FBN2: variants seen among roughly 807,000 people sequenced by gnomAD.
The protein encoded by FBN2 is fibrillin 2, also known as fibrillin-2.
A neutral mutation model predicts 355.6 loss-of-function variants in FBN2; 105 were observed. The ratio of observed to expected loss-of-function variants is 0.30; its 90% confidence interval spans 0.25 to 0.35. FBN2 has a LOEUF of 0.35. Among genes scored for constraint, FBN2 ranks in the 10% least tolerant of loss-of-function variants. FBN2 has a pLI of 1.00. For synonymous variants in FBN2, 1,350 were observed against 1,301.2 expected, an observed-to-expected ratio of 1.04 and a Z score of -0.81; for missense variants, 3,280 against 3,758.7, an observed-to-expected ratio of 0.87 and a Z score of 3.33.
At chr5:128,386,717 G>C (rs1365936895) in intron 11 of FBN2, among the ~76,000 whole-genome samples, 1 of 151,922 alleles carries the variant, frequency 6.6e-6, no homozygotes, top group African/African-American at 2.4e-5. Context: ...AGAAATCAGA[G>C]ATAAAATCTC....
intron 34 of FBN2, among the ~76,000 whole-genome samples, chr5:128,324,954 T>G (rs1750504117): frequency 6.6e-6 from 1 of 152,158 alleles, no homozygotes; most frequent in Admixed American, 6.5e-5. Context: ...TCTAATTTGG[T>G]TGCACTGTGG....
intron 7 of FBN2, among the ~76,000 whole-genome samples, chr5:128,412,421 A>G (rs1451146577): frequency 1.3e-5 from 2 of 152,240 alleles, no homozygotes; most frequent in Admixed American, 6.5e-5. Context: ...AGCCCCCAGC[A>G]AATCATCCCT....
At chr5:128,334,372 C>A (rs1007756423) in intron 31 of FBN2, among the ~76,000 whole-genome samples, 1 of 152,156 alleles carries the variant, frequency 6.6e-6, no homozygotes, top group Non-Finnish European at 1.5e-5. Context: ...TTTTGGTGCT[C>A]TTTGTACATG....
At chr5:128,405,658 G>C (rs1010805340) in intron 8 of FBN2, among the ~76,000 whole-genome samples, 1 of 152,156 alleles carries the variant, frequency 6.6e-6, no homozygotes, top group Non-Finnish European at 1.5e-5. Flanking sequence ...ATAAAAAGAA[G>C]TAATTTAGAA....
rs374591870 is a variant in FBN2 at position 128,279,941 on chromosome 5, AACTT to A, written c.7138+247_7138+250del. Reference sequence around the variant, plus strand: ...TTTACTAAAGCCAAATTTTCCAAAGAACTTAATTAATCTTAATTTTGGAAAGACT... The same window carrying A: ...TTTACTAAAGCCAAATTTTCCAAAGAAATTAATCTTAATTTTGGAAAGACT... On this transcript the variant is annotated intron_variant, in intron 56 of 64. Coordinates refer to ENST00000262464, the MANE Select transcript of FBN2 (RefSeq NM_001999.4). Among the ~76,000 whole-genome samples, 15 of 152,338 alleles carry A rather than the reference AACTT, an allele frequency of 9.8e-5. No homozygotes were observed. The East Asian group carries it at 1.3e-3, about 14-fold the overall frequency.
chr5:128,389,365 GC>G (rs766942482), intron 11 of FBN2, among the ~76,000 whole-genome samples: 1 of 152,194 alleles, frequency 6.6e-6, no homozygotes, highest in Non-Finnish European at 1.5e-5. Flanking sequence ...CAATGGTTAG[GC>G]AGGGTTTGCT....
At chr5:128,529,886 G>T (rs1242473442) in intron 3 of FBN2, among the ~76,000 whole-genome samples, 1 of 152,160 alleles carries the variant, frequency 6.6e-6, no homozygotes, top group Non-Finnish European at 1.5e-5. Context: ...AATGGCATTT[G>T]ATGTATGAAT....
intron 48 of FBN2, among the ~76,000 whole-genome samples, chr5:128,292,303 G>A (rs910992740): frequency 2.6e-5 from 4 of 152,046 alleles, no homozygotes; most frequent in South Asian, 4.2e-4. Context: ...TCCCCAGAAC[G>A]CTTCCTTAAA....
chr5:128,296,547 C>A (rs1212950994), intron 48 of FBN2, among the ~76,000 whole-genome samples: 1 of 151,948 alleles, frequency 6.6e-6, no homozygotes. Flanking sequence ...GATTCAACTT[C>A]TTCCTGGTTT....
At chr5:128,383,348 C>CTAAA (rs1752284833) in intron 11 of FBN2, among the ~76,000 whole-genome samples, 1 of 151,918 alleles carries the variant, frequency 6.6e-6, no homozygotes, top group African/African-American at 2.4e-5. Context: ...GATCATAGGC[C>CTAAA]TAAAGCTAGA....
intron 7 of FBN2, among the ~76,000 whole-genome samples, chr5:128,409,566 G>C (rs1309682910): frequency 2.0e-5 from 3 of 152,114 alleles, no homozygotes; most frequent in Non-Finnish European, 4.4e-5. Flanking sequence ...AGAGAGAGGT[G>C]GGAAGTCTAA....
At chr5:128,261,994 G>A (rs1029872845) in intron 63 of FBN2, 87 bp from the exon 64 acceptor site, 44 of 994,492 alleles carry the variant, frequency 4.4e-5, no homozygotes, top group South Asian at 1.0e-4. Context: ...TCAGAAACAC[G>A]AAACCAACAG....
intron 34 of FBN2, among the ~76,000 whole-genome samples, chr5:128,320,001 T>G (rs1750325539): frequency 6.6e-6 from 1 of 152,246 alleles, no homozygotes. Flanking sequence ...CTTTGGTCAT[T>G]CTTCCCAGTT....
At chr5:128,313,138 A>G (rs569229110) in intron 36 of FBN2, among the ~76,000 whole-genome samples, 1 of 152,282 alleles carries the variant, frequency 6.6e-6, no homozygotes, top group African/African-American at 2.4e-5. Flanking sequence ...CTATATCACG[A>G]GTTTATCCAA....
rs1335505699 is a variant in FBN2 at position 128,301,399 on chromosome 5, T to A, written c.6029A>T (p.Asp2010Val). The A allele has an allele frequency of 1.9e-6, 3 of 1,613,278 alleles. No individual in the cohort carries two copies. Among genetic ancestry groups the A allele is most frequent in the African/African-American group, 2.7e-5 (2 of 74,892 alleles). Residue 2010 changes from aspartate to valine, a missense_variant, in exon 47 of 65, where the codon GAT (aspartate) becomes GTT (valine). Asp to Val is a radical substitution (Grantham distance 152). This residue lies in a region of FBN2 where 2,284 missense variants were observed against 2,749.5 expected (regional missense o/e 0.83). Transcript: ENST00000262464. ...LCNEGYELTP[D>V]GKNCIDTNEC... ...ATACTTACCTATACAGTTTTTGCCA[T>A]CTGGGGTAAGTTCATAACCTTCGTT... is the stretch of plus-strand genomic sequence containing the variant.
chr5:128,432,864 AC>A (rs1753661425), intron 7 of FBN2, among the ~76,000 whole-genome samples: 2 of 152,114 alleles, frequency 1.3e-5, no homozygotes, highest in South Asian at 4.2e-4. Context: ...CTGTATGGCT[AC>A]CGAGACCTCA....
In FBN2 at chr5:128,280,089, G is replaced by A. The variant is rs994917301; in HGVS notation, c.7138+103C>T. Reference sequence around the variant, plus strand: ...AGCATGTGGATTATTGAGATTGGGGGATTTGTTTAGCAGACAAGAATATAT... The same window carrying A: ...AGCATGTGGATTATTGAGATTGGGGAATTTGTTTAGCAGACAAGAATATAT... On this transcript the variant is annotated intron_variant, in intron 56 of 64. Coordinates refer to ENST00000262464, the MANE Select transcript of FBN2 (RefSeq NM_001999.4). The A allele has an allele frequency of 7.4e-5, 68 of 914,964 alleles. No homozygotes were observed. In the Middle Eastern group the frequency reaches 8.9e-4, roughly 12 times the overall value. The allele number at this position is 914,964 out of a possible 1,614,324, so 56.7% of individuals were successfully genotyped here.
chr5:128,286,108 G>A (rs1392427911), intron 55 of FBN2, among the ~76,000 whole-genome samples: 4 of 152,144 alleles, frequency 2.6e-5, no homozygotes, highest in African/African-American at 9.7e-5. Context: ...GATCTTGGAA[G>A]AATAGTGTTT....
intron 34 of FBN2, among the ~76,000 whole-genome samples, chr5:128,320,492 G>T (rs1342734279): frequency 1.3e-5 from 2 of 152,142 alleles, no homozygotes. Context: ...GTATTAATAG[G>T]TGCGGGCCAC....
Sources: allele counts gnomAD v4.1 joint callset (sites outside exome capture counted in the v4.1 genomes callset), GRCh38; gene constraint gnomAD v4.1.1; regional missense constraint gnomAD v4.1.1; transcripts MANE v1.5; gene names NCBI Gene and HGNC (gene_info 2026-07-23, HGNC 2026-07-21).